Variants in TRPV4 observed in about 807,000 individuals in gnomAD.
The protein encoded by TRPV4 is OSM9-like transient receptor potential channel 4.
Under a neutral mutation model 84.1 loss-of-function variants are expected in TRPV4, and 58 were observed. The observed-to-expected ratio is 0.69, with a 90% CI of 0.56 to 0.86. The LOEUF (loss-of-function observed/expected upper bound fraction) is 0.86. Ranked by LOEUF, TRPV4 falls within the 40% of genes least tolerant of loss-of-function variation. The pLI is 0.00. For synonymous variants in TRPV4, 489 were observed against 500.9 expected (o/e 0.98, Z 0.32); for missense variants, 879 against 1,181.1 (o/e 0.74, Z 3.75).
chr12:109,829,650 G>T (rs1353409104), intron 1 of TRPV4, among the ~76,000 whole-genome samples: 2 of 152,206 alleles, frequency 1.3e-5, no homozygotes, highest in Non-Finnish European at 2.9e-5. Context: ...CTGTGCTTCA[G>T]AGCCCCATCC....
rs141089955 is a variant in TRPV4, at chr12:109,825,510, T to C, written c.-32+7840A>G. Among the ~76,000 whole-genome samples the C allele has an allele frequency of 9.3e-3, 1,415 of 152,162 alleles. 25 individuals carry two copies. The highest frequency in any genetic ancestry group is 0.032 in the African/African-American group (1,334 of 41,502). On this transcript the variant is annotated intron_variant, in intron 1 of 15. Transcript: ENST00000261740. Reference sequence around the variant, plus strand: ...CAGTGGGAGGTGGGGGATGATGACATTGAGGTCCAGGGAGGTCAGAACTGG... The same window carrying C: ...CAGTGGGAGGTGGGGGATGATGACACTGAGGTCCAGGGAGGTCAGAACTGG...
In TRPV4 at chr12:109,783,682, C is replaced by T. The variant is rs1276147923; in HGVS notation, c.2555G>A (p.Arg852His). ...VVPLDSMGNP[R>H]CDGHQQGYPR... ...GTAACCCTGCTGGTGGCCATCGCAG[C>T]GGGGGTTCCCCATGCTGTCCAGAGG... Residue 852 changes from arginine (R) to histidine (H), a missense_variant, in exon 16 of 16, where the codon CGC becomes CAC. Physicochemically the swap from Arg to His is conservative, Grantham distance 29. This residue lies in a region of TRPV4 where 242 missense variants were observed against 355.3 expected (regional missense o/e 0.68). Coordinates refer to ENST00000261740, the MANE Select transcript of TRPV4 (RefSeq NM_021625.5). The surrounding 1 kb of genome is among the most constrained non-coding windows in gnomAD (Gnocchi z 4.6). The T allele has an allele frequency of 5.0e-6, 8 of 1,613,658 alleles. No homozygotes were observed. The highest frequency in any genetic ancestry group is 4.4e-5 in the South Asian group (4 of 91,094).
chr12:109,814,698 G>C lies in TRPV4; in HGVS notation c.99C>G (p.Leu33=). The C allele has an allele frequency of 1.2e-6, 2 of 1,609,960 alleles. No individual in the cohort carries two copies. Among genetic ancestry groups the C allele is most frequent in the Non-Finnish European group, 1.7e-6 (2 of 1,178,636 alleles). The change falls in exon 2 of 16, where the codon CTC becomes CTG. Residue 33 remains leucine, a synonymous_variant. Coordinates refer to ENST00000261740, the MANE Select transcript of TRPV4 (RefSeq NM_021625.5). This position sits in a 1 kb window ranked among gnomAD's most constrained non-coding sequence, Gnocchi z 5.4. ...SGTPGGEAFP[L]SSLANLFEGE... Reference sequence around the variant, plus strand: ...CCTCAAACAGATTGGCCAGGGAGGAGAGAGGAAAAGCCTCCCCACCTGGGG... The same window carrying C: ...CCTCAAACAGATTGGCCAGGGAGGACAGAGGAAAAGCCTCCCCACCTGGGG...
chr12:109,791,672 C>T (rs1159670567), intron 12 of TRPV4, among the ~76,000 whole-genome samples: 4 of 150,752 alleles, frequency 2.7e-5, no homozygotes, highest in Non-Finnish European at 5.9e-5. Context: ...TTGGTAGAGA[C>T]GGGGTTTTGC....
intron 4 of TRPV4, among the ~76,000 whole-genome samples, chr12:109,801,509 C>A (rs1890781321): frequency 6.6e-6 from 1 of 152,178 alleles, no homozygotes; most frequent in African/African-American, 2.4e-5. Flanking sequence ...TTTGCTTCCC[C>A]TTCCACAATG....
Position 109,815,839 on chromosome 12 carries a change from A to T in TRPV4, c.-31-1012T>A, listed in dbSNP as rs951845792. Among the ~76,000 whole-genome samples, 5 of 152,242 alleles carry T rather than the reference A, an allele frequency of 3.3e-5. No homozygotes were observed. Among genetic ancestry groups the T allele is most frequent in the African/African-American group, 9.6e-5 (4 of 41,470 alleles). ...TGAGGAAGCAGCTTTCAAAGGCAGC[A>T]AACAGCTTGCAGGAAGAAGAGCTGG... On this transcript the variant is annotated intron_variant, in intron 1 of 15. Coordinates refer to ENST00000261740, the MANE Select transcript of TRPV4 (RefSeq NM_021625.5). The surrounding 1 kb of genome is among the most constrained non-coding windows in gnomAD (Gnocchi z 4.1).
At chr12:109,799,424 C>T (rs916514152) in intron 5 of TRPV4, among the ~76,000 whole-genome samples, 1 of 152,240 alleles carries the variant, frequency 6.6e-6, no homozygotes, top group Non-Finnish European at 1.5e-5. Flanking sequence ...GCTGGGATTA[C>T]AGGCGTGAGC....
At position 109,815,099 on chromosome 12, in the gene TRPV4, T is replaced by A. The variant is rs1891786009; in HGVS notation, c.-31-272A>T. On this transcript the variant is annotated intron_variant, in intron 1 of 15. Coordinates refer to ENST00000261740, the MANE Select transcript of TRPV4 (RefSeq NM_021625.5). This position sits in a 1 kb window ranked among gnomAD's most constrained non-coding sequence, Gnocchi z 4.1. ...AGCTGAAAGAGGGTGGACTTCAGGGTCAAGCTGGGACCCCATACTTGGATC... is the reference window on the plus strand; with the variant it reads ...AGCTGAAAGAGGGTGGACTTCAGGGACAAGCTGGGACCCCATACTTGGATC... Among the ~76,000 whole-genome samples, 1 of 152,154 alleles carries A rather than the reference T, an allele frequency of 6.6e-6. No homozygotes were observed. Among genetic ancestry groups the A allele is most frequent in the East Asian group, 1.9e-4 (1 of 5,184 alleles).
chr12:109,802,830 G>A (rs1207916101), intron 4 of TRPV4, among the ~76,000 whole-genome samples, 161 bp downstream of exon 4: 2 of 148,682 alleles, frequency 1.3e-5, no homozygotes, highest in African/African-American at 2.6e-5. Flanking sequence ...ATCTATCCAT[G>A]CATCCATGCA....
chr12:109,822,499 C>G (rs746991086), intron 1 of TRPV4, among the ~76,000 whole-genome samples: 7 of 152,220 alleles, frequency 4.6e-5, no homozygotes, highest in Non-Finnish European at 1.0e-4. Flanking sequence ...CCCTCCCCAC[C>G]TTCCAGGTAA....
At chr12:109,804,454 C>G (rs897526719) in intron 3 of TRPV4, among the ~76,000 whole-genome samples, 1 of 152,080 alleles carries the variant, frequency 6.6e-6, no homozygotes, top group Non-Finnish European at 1.5e-5. Context: ...TCCTTTCTGG[C>G]TAAATTAAAG....
At chr12:109,788,319 G>T in intron 13 of TRPV4, 81 bp downstream of exon 13, 1 of 1,373,326 alleles carries the variant, frequency 7.3e-7, no homozygotes, top group Non-Finnish European at 1.0e-6. Flanking sequence ...AGAGTGGAAG[G>T]CCGAGGAAGC....
chr12:109,809,787 G>T (rs536142273), intron 2 of TRPV4, among the ~76,000 whole-genome samples: 30 of 152,290 alleles, frequency 2.0e-4, no homozygotes, highest in African/African-American at 7.2e-4. Context: ...ATAAAATAAA[G>T]AAACAGCAGA....
At chr12:109,802,959 C>G in intron 4 of TRPV4, 32 bp downstream of exon 4, 1 of 1,611,900 alleles carries the variant, frequency 6.2e-7, no homozygotes, top group Non-Finnish European at 8.5e-7. Flanking sequence ...CCATCAGCCC[C>G]CGTGGCACCC....
intron 4 of TRPV4, among the ~76,000 whole-genome samples, chr12:109,802,201 C>T (rs1160620258): frequency 6.6e-6 from 1 of 150,862 alleles, no homozygotes; most frequent in African/African-American, 2.4e-5. Flanking sequence ...ACAATCATAG[C>T]TCACTGAAGC....
rs1889769587 is a variant in TRPV4, at chr12:109,787,635, A to G, written c.2208+765T>C. Among the ~76,000 whole-genome samples, 3 of 152,154 alleles carry G rather than the reference A, an allele frequency of 2.0e-5. No individual in the cohort carries two copies. In the South Asian group the frequency reaches 6.2e-4, roughly 32 times the overall value. On this transcript the variant is annotated intron_variant, in intron 13 of 15. Transcript: ENST00000261740. ...TGCCCAGTGGGGAAACTGAGGCCCAATGAAGTAAGCAATATAGATAAAGGT... is the reference window on the plus strand; with the variant it reads ...TGCCCAGTGGGGAAACTGAGGCCCAGTGAAGTAAGCAATATAGATAAAGGT...
At chr12:109,788,062 G>A (rs1227772101) in intron 13 of TRPV4, among the ~76,000 whole-genome samples, 1 of 152,220 alleles carries the variant, frequency 6.6e-6, no homozygotes, top group Non-Finnish European at 1.5e-5. Flanking sequence ...GCTCAGCGTG[G>A]GACCCCTGCT....
chr12:109,815,514 C>A lies in TRPV4; in HGVS notation c.-31-687G>T, dbSNP rs1377002854. ...TACTTGAGTTGACTTCCCCAGTGCACAAACTCTGCTCCCCAGTGCAAAGTG... is the reference window on the plus strand; with the variant it reads ...TACTTGAGTTGACTTCCCCAGTGCAAAAACTCTGCTCCCCAGTGCAAAGTG... On this transcript the variant is annotated intron_variant, in intron 1 of 15. Coordinates refer to ENST00000261740, the MANE Select transcript of TRPV4 (RefSeq NM_021625.5). This position sits in a 1 kb window ranked among gnomAD's most constrained non-coding sequence, Gnocchi z 4.1. Among the ~76,000 whole-genome samples, 5 of 152,236 alleles carry A rather than the reference C, an allele frequency of 3.3e-5. No individual in the cohort carries two copies. The highest frequency in any genetic ancestry group is 5.9e-5 in the Non-Finnish European group (4 of 68,044).
At chr12:109,829,777 C>T (rs1020064335) in intron 1 of TRPV4, among the ~76,000 whole-genome samples, 1 of 152,222 alleles carries the variant, frequency 6.6e-6, no homozygotes, top group African/African-American at 2.4e-5. Flanking sequence ...AATAGCAGGC[C>T]TGTCTTAAAC....
Sources: allele counts gnomAD v4.1 joint callset (sites outside exome capture counted in the v4.1 genomes callset), GRCh38; gene constraint gnomAD v4.1.1; regional missense constraint gnomAD v4.1.1; non-coding constraint Gnocchi (gnomAD v3.1); transcripts MANE v1.5; gene names NCBI Gene and HGNC (gene_info 2026-07-23, HGNC 2026-07-21).